Variants in CPLANE1 observed in about 807,000 individuals in gnomAD.
The protein encoded by CPLANE1 is ciliogenesis and planar polarity effector complex subunit 1.
Under a neutral mutation model 362.5 loss-of-function variants are expected in CPLANE1, and 263 were observed. The observed-to-expected ratio is 0.73, with a 90% CI of 0.66 to 0.80. CPLANE1 has a LOEUF of 0.80. Ranked by LOEUF, CPLANE1 falls within the 30% of genes least tolerant of loss-of-function variation. CPLANE1 has a pLI of 0.00. For synonymous variants in CPLANE1, 1,212 were observed against 1,302.6 expected, an observed-to-expected ratio of 0.93 and a Z score of 1.50; for missense variants, 3,461 against 3,793.4, an observed-to-expected ratio of 0.91 and a Z score of 2.30.
chr5:37,246,024 T>C lies in CPLANE1; in HGVS notation c.82-179A>G, dbSNP rs73750960. ...TAGTAGCCTGAACATTTTGAATTGT[T>C]TTAAAATACCTCGTTAGAATTAATA... is the stretch of plus-strand genomic sequence containing the variant. On this transcript the variant is annotated intron_variant, in intron 2 of 52. Transcript: ENST00000651892. 0.015 allele frequency: 6,450 copies of C among 439,498 alleles called. 385 individuals are homozygous for C. The highest frequency in any genetic ancestry group is 0.12 in the African/African-American group (5,844 of 49,484). The allele number at this position is 439,498 out of a possible 1,614,324, so 27.2% of individuals were successfully genotyped here.
At chr5:37,162,422 A>T (rs1777071315) in intron 38 of CPLANE1, 43 bp downstream of exon 38, 1 of 1,237,112 alleles carries the variant, frequency 8.1e-7, no homozygotes, top group Admixed American at 1.9e-5. Context: ...ACTTAATTGT[A>T]TCAAAATATA....
intron 37 of CPLANE1, 63 bp from the exon 38 acceptor site, chr5:37,162,629 C>G (rs1777129203): frequency 8.8e-7 from 1 of 1,141,812 alleles, no homozygotes. Context: ...AGGAGCCCAG[C>G]AGCACAGTAC....
At chr5:37,155,634 C>CA (rs1388633621) in intron 41 of CPLANE1, among the ~76,000 whole-genome samples, 1 of 152,240 alleles carries the variant, frequency 6.6e-6, no homozygotes, top group Non-Finnish European at 1.5e-5. Context: ...CTTAGCCTCC[C>CA]AAAGTGTTGG....
chr5:37,185,636 A>C (rs1217421597), intron 24 of CPLANE1, among the ~76,000 whole-genome samples: 1 of 152,178 alleles, frequency 6.6e-6, no homozygotes, highest in Admixed American at 6.5e-5. Context: ...TCACAAATAC[A>C]ATATATTAAT....
At chr5:37,230,639 A>G (rs1390686938) in intron 9 of CPLANE1, among the ~76,000 whole-genome samples, 1 of 152,140 alleles carries the variant, frequency 6.6e-6, no homozygotes, top group Non-Finnish European at 1.5e-5. Flanking sequence ...GTGCTATTAA[A>G]TATTTAAATA....
intron 6 of CPLANE1, 144 bp from the exon 7 acceptor site, chr5:37,240,013 C>T (rs186278746): frequency 3.8e-4 from 205 of 534,410 alleles, no homozygotes; most frequent in African/African-American, 3.5e-3. Context: ...TATGTTAATC[C>T]ATTGTGTTGC....
chr5:37,244,620 C>CA lies in CPLANE1; in HGVS notation c.338-14dup, dbSNP rs759618579. On this transcript the variant is annotated splice_polypyrimidine_tract_variant and intron_variant, in intron 4 of 52. Transcript: ENST00000651892. ...CTCAAAGAGCTTGCTAAAAAAGTAA[C>CA]AAAAAAAGTAATTAAGCCTCTGAAG... 6.8e-7 allele frequency: 1 copy of CA among 1,475,946 alleles called. No homozygotes were observed. The highest frequency in any genetic ancestry group is 1.3e-5 in the South Asian group (1 of 76,448). 91.4% of individuals were successfully genotyped at this position (1,475,946 alleles called of 1,614,324 possible).
the CPLANE1 span, chr5:37,085,375 G>A: frequency 2.7e-5 from 36 of 1,346,008 alleles, no homozygotes; most frequent in East Asian, 4.6e-4. Flanking sequence ...ACCAAGGGTC[G>A]CTTTGCTGTA....
the CPLANE1 span, among the ~76,000 whole-genome samples, chr5:37,077,947 C>T: frequency 1.3e-5 from 2 of 152,014 alleles, no homozygotes; most frequent in African/African-American, 4.8e-5. Context: ...TGGGATCTCC[C>T]TTTGTTTGTT....
chr5:37,125,103 CTGACT>C, intron 47 of CPLANE1, 136 bp downstream of exon 47: 2 of 1,374,544 alleles, frequency 1.5e-6, no homozygotes, highest in Non-Finnish European at 9.7e-7. Flanking sequence ...TTAACTTTTC[CTGACT>C]TAAGTAAAAC....
chr5:37,164,316 T>C lies in CPLANE1; in HGVS notation c.7545A>G (p.Glu2515=). Residue 2515 remains glutamate, a synonymous_variant, in exon 37 of 53, where the codon GAA becomes GAG. Coordinates refer to ENST00000651892, the MANE Select transcript of CPLANE1 (RefSeq NM_001384732.1). ...EIIKKPKEQQ[E]HCGSHPLDDF... ...CATCCAAAGGATGGGAACCACAATG[T>C]TCTTGTTGTTCCTAAATGAATTCCC... The C allele has an allele frequency of 1.2e-6, 2 of 1,612,876 alleles. No individual in the cohort carries two copies. The highest frequency in any genetic ancestry group is 1.1e-5 in the South Asian group (1 of 91,056).
chr5:37,121,558 A>G, intron 49 of CPLANE1, 59 bp downstream of exon 49: 2 of 1,514,354 alleles, frequency 1.3e-6, no homozygotes, highest in Non-Finnish European at 1.8e-6. Flanking sequence ...AAAGTGCTAC[A>G]TTTCTTCTTA....
At chr5:37,175,449 G>A (rs897058781) in intron 31 of CPLANE1, among the ~76,000 whole-genome samples, 6 of 152,134 alleles carry the variant, frequency 3.9e-5, no homozygotes, top group Non-Finnish European at 7.4e-5. Context: ...CAAGGAGATC[G>A]ATTCTAACTA....
chr5:37,197,687 A>G (rs553103700), intron 20 of CPLANE1, among the ~76,000 whole-genome samples: 1 of 152,294 alleles, frequency 6.6e-6, no homozygotes, highest in African/African-American at 2.4e-5. Flanking sequence ...GAAAACTAAT[A>G]TGGCTCAGAA....
intron 29 of CPLANE1, 148 bp downstream of exon 29, chr5:37,179,213 C>A (rs1782028243): frequency 6.8e-6 from 4 of 591,268 alleles, no homozygotes; most frequent in African/African-American, 1.9e-5. Flanking sequence ...AAATGCCACA[C>A]AGCATGGCTA....
At position 37,153,818 on chromosome 5, in the gene CPLANE1, C is replaced by G. The variant is rs761017519; in HGVS notation, c.8295G>C (p.Leu2765Phe). Residue 2765 changes from leucine to phenylalanine, a missense_variant, in exon 42 of 53, where the codon TTG becomes TTC. Coordinates refer to ENST00000651892, the MANE Select transcript of CPLANE1 (RefSeq NM_001384732.1). ...SAKLQKIDEQLLAIQNIAENI... is the reference protein window; with the variant it reads ...SAKLQKIDEQFLAIQNIAENI... Reference sequence around the variant, plus strand: ...TTTCAGCAATGTTCTGTATTGCTAGCAACTGCTCGTCAATTTTCTGAAGCT... The same window carrying G: ...TTTCAGCAATGTTCTGTATTGCTAGGAACTGCTCGTCAATTTTCTGAAGCT... 6.2e-7 allele frequency: 1 copy of G among 1,613,928 alleles called. No individual in the cohort carries two copies. Among genetic ancestry groups the G allele is most frequent in the African/African-American group, 1.3e-5 (1 of 74,894 alleles).
At chr5:37,090,393 GC>G in the CPLANE1 span, among the ~76,000 whole-genome samples, 2 of 152,062 alleles carry the variant, frequency 1.3e-5, no homozygotes, top group Non-Finnish European at 1.5e-5. Context: ...ATCTATTCAG[GC>G]CACAAACAAT....
At chr5:37,077,438 T>TTTG in the CPLANE1 span, among the ~76,000 whole-genome samples, 1 of 152,120 alleles carries the variant, frequency 6.6e-6, no homozygotes, top group African/African-American at 2.4e-5. Flanking sequence ...CTTCTGAAAA[T>TTTG]TTGTTGAAAT....
At chr5:37,165,478 A>C in intron 36 of CPLANE1, 61 bp downstream of exon 36, 1 of 1,542,382 alleles carries the variant, frequency 6.5e-7, no homozygotes, top group African/African-American at 1.4e-5. Flanking sequence ...TAAACCACAA[A>C]GACATACCAA....
Sources: allele counts gnomAD v4.1 joint callset (sites outside exome capture counted in the v4.1 genomes callset), GRCh38; gene constraint gnomAD v4.1.1; transcripts MANE v1.5; gene names NCBI Gene and HGNC (gene_info 2026-07-23, HGNC 2026-07-21).